Variants in ZNF799 observed in about 807,000 individuals in gnomAD.
The protein encoded by ZNF799 is zinc finger protein 799.
ZNF799 carries 28 observed loss-of-function variants against 41.0 expected under a neutral mutation model. The observed-to-expected ratio is 0.68, with a 90% CI of 0.51 to 0.94. The LOEUF is 0.94. ZNF799 is among the 40% of genes least tolerant of loss of function. The probability of loss-of-function intolerance (pLI) is 0.00; values close to 1 mark genes in which losing one functional copy is unlikely to be tolerated. For synonymous variants in ZNF799, 213 were observed against 252.9 expected, an observed-to-expected ratio of 0.84 and a Z score of 1.50; for missense variants, 716 against 764.3, an observed-to-expected ratio of 0.94 and a Z score of 0.74.
In ZNF799 at chr19:12,391,118, C is replaced by T. The variant is rs761908060; in HGVS notation, c.1280G>A (p.Gly427Asp). 6.2e-7 allele frequency: 1 copy of T among 1,614,146 alleles called. No individual in the cohort carries two copies. Among genetic ancestry groups the T allele is most frequent in the Middle Eastern group, 1.6e-4 (1 of 6,062 alleles). The change falls in exon 4 of 4, where the codon GGC becomes GAC. Residue 427 changes from glycine (G) to aspartate (D), a missense_variant. By Grantham distance (94) the Gly-to-Asp change is moderately conservative. This residue lies in a region of ZNF799 where 698 missense variants were observed against 713.6 expected (regional missense o/e 0.98). Coordinates refer to ENST00000430385, the MANE Select transcript of ZNF799 (RefSeq NM_001080821.3). ...AGAACTGGAAATACGGTAGGCTTTG[C>T]CACATTGTTTACATTTATAGGGTTT... is the stretch of plus-strand genomic sequence containing the variant. Reference protein sequence around the residue: ...AEKPYKCKQCGKAYRISSSLR... With the variant: ...AEKPYKCKQCDKAYRISSSLR...
intron 1 of ZNF799, among the ~76,000 whole-genome samples, chr19:12,396,515 G>A (rs573277381): frequency 1.3e-5 from 2 of 152,318 alleles, no homozygotes; most frequent in East Asian, 1.9e-4. Flanking sequence ...TGGGCATGGT[G>A]GTGCACGCCT....
the ZNF799 span, among the ~76,000 whole-genome samples, chr19:12,412,956 G>A: frequency 1.2e-4 from 18 of 151,202 alleles, no homozygotes; most frequent in South Asian, 2.1e-4. Flanking sequence ...GCTTGAACCC[G>A]GGAGGCAGAG....
At chr19:12,394,604 G>T in intron 1 of ZNF799, 1 of 985,324 alleles carries the variant, frequency 1.0e-6, no homozygotes, top group Non-Finnish European at 1.2e-6. Flanking sequence ...ACTGAGAAAA[G>T]ATATTACACC....
intron 1 of ZNF799, among the ~76,000 whole-genome samples, chr19:12,397,167 A>G (rs1280033414): frequency 6.6e-6 from 1 of 152,202 alleles, no homozygotes; most frequent in Non-Finnish European, 1.5e-5. Context: ...TTATATAAGC[A>G]TTACCCCAAA....
the ZNF799 span, among the ~76,000 whole-genome samples, chr19:12,409,809 C>T: frequency 0.33 from 50,635 of 151,872 alleles, 9,015 homozygotes; most frequent in South Asian, 0.5. Flanking sequence ...AAAGACAAAC[C>T]GAACTGTCAA....
At chr19:12,392,469 T>A in intron 3 of ZNF799, 134 bp downstream of exon 3, 2 of 863,624 alleles carry the variant, frequency 2.3e-6, no homozygotes, top group Admixed American at 2.9e-5. Context: ...TTTAAGTATA[T>A]ATTTTGGAGA....
In ZNF799 at chr19:12,391,072, A is replaced by G; in HGVS notation, c.1326T>C (p.Thr442=). The G allele has an allele frequency of 6.2e-7, 1 of 1,614,164 alleles. No homozygotes were observed. The highest frequency in any genetic ancestry group is 8.5e-7 in the Non-Finnish European group (1 of 1,180,020). ...ATTTATAGGGTTTCTCTCCAGTATG[A>G]GTTGTTTCATGCCTTCGAAGAGAAC... ...ISSSLRRHET[T]HTGEKPYKCK... is the part of the protein sequence containing the mutation. The change falls in exon 4 of 4, where the codon ACT becomes ACC. Residue 442 remains threonine (T), a synonymous_variant. Transcript: ENST00000430385.
the ZNF799 span, among the ~76,000 whole-genome samples, chr19:12,414,389 T>A: frequency 6.6e-6 from 1 of 152,194 alleles, no homozygotes; most frequent in African/African-American, 2.4e-5. Context: ...CTGTACTCAA[T>A]GAGCTCTTAC....
the ZNF799 span, among the ~76,000 whole-genome samples, chr19:12,413,532 T>A: frequency 6.6e-6 from 1 of 152,314 alleles, no homozygotes; most frequent in South Asian, 2.1e-4. Context: ...TCTGCACCAA[T>A]GCTAATCAGT....
chr19:12,401,180 A>G lies in ZNF799; in HGVS notation c.-110T>C. 3 of 1,592,236 alleles carry G rather than the reference A, an allele frequency of 1.9e-6. No homozygotes were observed. Among genetic ancestry groups the G allele is most frequent in the Non-Finnish European group, 2.6e-6 (3 of 1,170,610 alleles). On this transcript the variant is annotated 5_prime_UTR_variant, in exon 1 of 4. Transcript: ENST00000430385. The stretch of plus-strand genomic sequence containing the variant: ...CTTCCAGGTCGTCTCTTAGCTACAG[A>G]GCCGAGCACCGAGCGCCCAGCGCAG...
the ZNF799 span, among the ~76,000 whole-genome samples, chr19:12,410,882 A>G: frequency 6.6e-6 from 1 of 152,222 alleles, no homozygotes; most frequent in South Asian, 2.1e-4. Context: ...AATTAGACCC[A>G]TGTAATACGA....
chr19:12,401,171 T>G lies in ZNF799; in HGVS notation c.-101A>C, dbSNP rs987394129. On this transcript the variant is annotated 5_prime_UTR_variant, in exon 1 of 4. Coordinates refer to ENST00000430385, the MANE Select transcript of ZNF799 (RefSeq NM_001080821.3). The stretch of plus-strand genomic sequence containing the variant: ...GCCACGGAACTTCCAGGTCGTCTCT[T>G]AGCTACAGAGCCGAGCACCGAGCGC... The G allele has an allele frequency of 2.5e-6, 4 of 1,603,272 alleles. No homozygotes were observed. Among genetic ancestry groups the G allele is most frequent in the Non-Finnish European group, 3.4e-6 (4 of 1,176,200 alleles).
rs1969807597 is a variant in ZNF799, at chr19:12,391,152, TGTGA to T, written c.1242_1245del (p.His415LeufsTer104). On this transcript the variant is annotated frameshift_variant, in exon 4 of 4. Transcript: ENST00000430385. LOFTEE classifies it high-confidence loss of function. ...TTACATTTATAGGGTTTCTCTGCAG[TGTGA>T]GTCTTTTCATGCCTTTGAAATACAC... 1 of 1,614,086 alleles carries T rather than the reference TGTGA, an allele frequency of 6.2e-7. No homozygotes were observed. Among genetic ancestry groups the T allele is most frequent in the African/African-American group, 1.3e-5 (1 of 74,940 alleles).
the ZNF799 span, among the ~76,000 whole-genome samples, chr19:12,408,170 CAAAAG>C: frequency 2.6e-3 from 390 of 151,402 alleles, 1 homozygote; most frequent in African/African-American, 7.0e-3. Context: ...GATTCTGTCT[CAAAAG>C]AAAAGAAAAG....
chr19:12,392,380 A>G, intron 3 of ZNF799, among the ~76,000 whole-genome samples, 174 bp from the exon 4 acceptor site: 1 of 152,242 alleles, frequency 6.6e-6, no homozygotes, highest in East Asian at 1.9e-4. Context: ...GGTGTTCTCA[A>G]GACAATCACA....
chr19:12,399,561 A>C (rs1194698269), intron 1 of ZNF799, among the ~76,000 whole-genome samples: 2 of 148,478 alleles, frequency 1.3e-5, no homozygotes, highest in Non-Finnish European at 2.9e-5. Context: ...CACACCCCCC[A>C]TCTCAGGCTG....
intron 1 of ZNF799, among the ~76,000 whole-genome samples, chr19:12,399,599 G>T (rs1413719357): frequency 1.4e-5 from 2 of 147,424 alleles, no homozygotes; most frequent in Middle Eastern, 3.2e-3. Flanking sequence ...CCCAGGGGAT[G>T]ATATTCACTA....
chr19:12,401,885 C>A (rs1231941114), upstream of ZNF799, among the ~76,000 whole-genome samples: 2 of 149,412 alleles, frequency 1.3e-5, no homozygotes, highest in African/African-American at 2.6e-5. Context: ...CAATTATACT[C>A]TTTTTCAATG....
rs772044331 is a variant in ZNF799 at position 12,391,018 on chromosome 19, G to T, written c.1380C>A (p.Phe460Leu). The T allele has an allele frequency of 2.5e-6, 4 of 1,614,034 alleles. No individual in the cohort carries two copies. The highest frequency in any genetic ancestry group is 2.7e-5 in the African/African-American group (2 of 74,932). ...TTGTTTTGTGATTTTGAAAGGAATA[G>T]AAATCAATAAAGGCTTTCCCACATT... ...KCKCGKAFID[F>L]YSFQNHKTTH... The change falls in exon 4 of 4, where the codon TTC (phenylalanine) becomes TTA (leucine). Residue 460 changes from phenylalanine (F) to leucine (L), a missense_variant. Phe to Leu is a conservative substitution (Grantham distance 22). Coordinates refer to ENST00000430385, the MANE Select transcript of ZNF799 (RefSeq NM_001080821.3).
Sources: gnomAD v4.1 joint callset for allele counts (sites outside exome capture counted in the v4.1 genomes callset) on GRCh38, gnomAD v4.1.1 for gene constraint, gnomAD v4.1.1 regional missense constraint, MANE v1.5 for transcripts, NCBI Gene and HGNC (gene_info 2026-07-23, HGNC 2026-07-21) for gene names.